CIZ1: variants seen among roughly 807,000 people sequenced by gnomAD.
CIZ1 encodes CDKN1A interacting zinc finger protein 1, also known as cip1-interacting zinc finger protein.
Under a neutral mutation model 118.6 loss-of-function variants are expected in CIZ1, and 58 were observed. The observed-to-expected ratio is 0.49, with a 90% confidence interval of 0.40 to 0.61. The LOEUF is 0.61. Ranked by LOEUF, CIZ1 falls within the 20% of genes least tolerant of loss-of-function variation. The pLI, the probability that CIZ1 is intolerant of heterozygous loss-of-function variation, is 0.00. For synonymous variants in CIZ1, 448 were observed against 443.4 expected (o/e 1.01, Z -0.13); for missense variants, 921 against 1,115.9 (o/e 0.83, Z 2.49).
chr9:128,180,818 C>T lies in CIZ1; in HGVS notation c.589-4G>A. On this transcript the variant is annotated splice_polypyrimidine_tract_variant and splice_region_variant and intron_variant, in intron 5 of 16. Coordinates refer to ENST00000372938, the MANE Select transcript of CIZ1 (RefSeq NM_001131016.2). ...GCATTGTCTGAGAAGAAGAATCCTG[C>T]TTCCTTTCAGAAACTATGTTGACAT... 1 of 1,605,614 alleles carries T rather than the reference C, an allele frequency of 6.2e-7. No individual in the cohort carries two copies. The highest frequency in any genetic ancestry group is 8.5e-7 in the Non-Finnish European group (1 of 1,175,824).
intron 1 of CIZ1, among the ~76,000 whole-genome samples, chr9:128,201,834 G>C (rs61212053): frequency 1.3e-5 from 2 of 152,102 alleles, no homozygotes; most frequent in Non-Finnish European, 2.9e-5. Context: ...GCTTGTTTAA[G>C]GCCCAGATTA....
intron 11 of CIZ1, 144 bp downstream of exon 11, chr9:128,176,207 A>G (rs991954534): frequency 2.9e-5 from 29 of 990,826 alleles, no homozygotes; most frequent in Non-Finnish European, 4.2e-5. Flanking sequence ...CTGAGGTTCA[A>G]GGTCACACAG....
chr9:128,193,027 C>T (rs7853429), upstream of CIZ1, among the ~76,000 whole-genome samples: 64,766 of 152,084 alleles, frequency 0.43, 14,697 homozygotes, highest in African/African-American at 0.6. Context: ...AGAATTCGCG[C>T]GTCCATAAAT....
upstream of CIZ1, among the ~76,000 whole-genome samples, chr9:128,193,500 C>T (rs1564307276): frequency 6.6e-6 from 1 of 151,948 alleles, no homozygotes; most frequent in Non-Finnish European, 1.5e-5. Flanking sequence ...CACTTAAGGT[C>T]AGGAGTTCGA....
chr9:128,189,636 A>G (rs528114404), intron 3 of CIZ1, among the ~76,000 whole-genome samples: 4 of 152,174 alleles, frequency 2.6e-5, no homozygotes, highest in Non-Finnish European at 5.9e-5. Flanking sequence ...CCTGGCCAAC[A>G]TGGGGAAACC....
intron 7 of CIZ1, 54 bp from the exon 8 acceptor site, chr9:128,179,469 C>T (rs1470464673): frequency 7.3e-6 from 11 of 1,505,346 alleles, no homozygotes; most frequent in Non-Finnish European, 9.7e-6. Flanking sequence ...GCCCCAGGGG[C>T]TCCCAAGTAA....
intron 5 of CIZ1, among the ~76,000 whole-genome samples, chr9:128,183,728 C>G (rs748122492): frequency 1.3e-5 from 2 of 151,474 alleles, no homozygotes; most frequent in African/African-American, 2.4e-5. Context: ...ATTGTTCTAC[C>G]CTAGTTATGT....
intron 4 of CIZ1, among the ~76,000 whole-genome samples, chr9:128,186,493 TC>T (rs1445278767): frequency 7.2e-5 from 11 of 152,232 alleles, no homozygotes; most frequent in African/African-American, 2.6e-4. Flanking sequence ...CCCTGCCTCC[TC>T]CCAAAACCAC....
intron 14 of CIZ1, among the ~76,000 whole-genome samples, chr9:128,168,232 C>A (rs1186187343): frequency 1.4e-4 from 21 of 152,208 alleles, no homozygotes; most frequent in Admixed American, 1.4e-3. Context: ...TGCAAAGAAT[C>A]TGGCTGGGCA....
chr9:128,203,578 G>T lies in CIZ1; in HGVS notation c.-6+608C>A, dbSNP rs972860852. 30 of 1,551,176 alleles carry T rather than the reference G, an allele frequency of 1.9e-5. No homozygotes were observed. The highest frequency in any genetic ancestry group is 2.3e-5 in the Non-Finnish European group (26 of 1,152,476). On this transcript the variant is annotated intron_variant, in intron 1 of 17. Coordinates refer to the CIZ1 transcript ENST00000372948. This position sits in a 1 kb window ranked among gnomAD's most constrained non-coding sequence, Gnocchi z 5.3. ...ACCTCGACCTGCCGCAGATCGCTGT[G>T]GTGGGCGGCCAGAGCGCCGGCAAGA...
upstream of CIZ1, chr9:128,191,744 G>A: frequency 2.2e-6 from 3 of 1,392,510 alleles, no homozygotes; most frequent in Non-Finnish European, 2.8e-6. The surrounding 1 kb of genome is among the most constrained non-coding windows in gnomAD (Gnocchi z 5.5). Flanking sequence ...TCTGTCCCGC[G>A]TCCTCCGCAT....
rs533363221 is a variant in CIZ1 at position 128,166,235 on chromosome 9, G to A, written c.2659C>T (p.Pro887Ser). 2.0e-6 allele frequency: 3 copies of A among 1,522,076 alleles called. No homozygotes were observed. Among genetic ancestry groups the A allele is most frequent in the East Asian group, 2.4e-5 (1 of 42,458 alleles). 94.3% of individuals were successfully genotyped at this position (1,522,076 alleles called of 1,614,324 possible). ...PSKVTARPSQ[P>S]PLPRRSTRLK... ...CGGGTTGAGCGCCGAGGTAGTGGGG[G>A]CTGGGAGGGTCGAGCCGTCACCTTG... The change falls in exon 17 of 17, where the codon CCC becomes TCC. Residue 887 changes from proline (P) to serine (S), a missense_variant. Pro to Ser is a moderately conservative substitution (Grantham distance 74). Coordinates refer to ENST00000372938, the MANE Select transcript of CIZ1 (RefSeq NM_001131016.2). This position sits in a 1 kb window ranked among gnomAD's most constrained non-coding sequence, Gnocchi z 4.4.
rs766841041 is a variant in CIZ1, at chr9:128,180,394, CAG to C, written c.791+19_791+20del. On this transcript the variant is annotated intron_variant, in intron 7 of 16. Coordinates refer to ENST00000372938, the MANE Select transcript of CIZ1 (RefSeq NM_001131016.2). ...GAGCACAGGGCACCCGGGCGCAGGTCAGGTTTTCAGCATCAGTTACCTCCTCA... is the reference window on the plus strand; with the variant it reads ...GAGCACAGGGCACCCGGGCGCAGGTCGTTTTCAGCATCAGTTACCTCCTCA... The C allele has an allele frequency of 2.3e-4, 372 of 1,593,018 alleles. 2 individuals are homozygous for C. The highest frequency in any genetic ancestry group is 1.3e-3 in the South Asian group (117 of 90,586).
chr9:128,180,496 T>C lies in CIZ1; in HGVS notation c.710A>G (p.Asp237Gly), dbSNP rs771384139. The C allele has an allele frequency of 1.2e-6, 2 of 1,614,076 alleles. No individual in the cohort carries two copies. Among genetic ancestry groups the C allele is most frequent in the South Asian group, 2.2e-5 (2 of 91,076 alleles). ...TGGAGTGCGTTTTTCCTTGGCGATG[T>C]CCTCTGGGCAGGGCGGTAAATCTTG... ...EDQDLPPCPEDIAKEKRTPAP... is the reference protein window; with the variant it reads ...EDQDLPPCPEGIAKEKRTPAP... Residue 237 changes from aspartate (D) to glycine (G), a missense_variant, in exon 7 of 17, where the codon GAC becomes GGC. Transcript: ENST00000372938.
chr9:128,191,649 C>A (rs1035824151), upstream of CIZ1: 3 of 1,234,626 alleles, frequency 2.4e-6, no homozygotes, highest in Admixed American at 4.3e-5. The surrounding 1 kb of genome is among the most constrained non-coding windows in gnomAD (Gnocchi z 5.5). Context: ...GCCGCGCCAC[C>A]CGAGCCCGCC....
At position 128,177,486 on chromosome 9, in the gene CIZ1, C is replaced by G. The variant is rs375228758; in HGVS notation, c.1818+80G>C. ...CTGCTTGGGGCAGGGCCCATTGCAG[C>G]CTGAGGCATTCTTGGGAGGGCAGGC... On this transcript the variant is annotated intron_variant, in intron 10 of 16. Coordinates refer to ENST00000372938, the MANE Select transcript of CIZ1 (RefSeq NM_001131016.2). 1,580 of 1,026,372 alleles carry G rather than the reference C, an allele frequency of 1.5e-3. 16 individuals carry two copies. Among genetic ancestry groups the G allele is most frequent in the East Asian group, 6.4e-3 (230 of 36,216 alleles). 63.6% of individuals were successfully genotyped at this position (1,026,372 alleles called of 1,614,324 possible). A position where few individuals can be genotyped will look rare whatever the true frequency, so the allele number is the denominator to read the frequency against.
intron 10 of CIZ1, 100 bp from the exon 11 acceptor site, chr9:128,176,575 G>T (rs901173603): frequency 2.5e-6 from 3 of 1,220,662 alleles, no homozygotes; most frequent in Non-Finnish European, 3.4e-6. Flanking sequence ...ATCACTGTGC[G>T]CCCATTTCTC....
chr9:128,177,241 T>C (rs894412711), intron 10 of CIZ1, among the ~76,000 whole-genome samples: 2 of 152,168 alleles, frequency 1.3e-5, no homozygotes, highest in Admixed American at 1.3e-4. Context: ...TGGAATTCGC[T>C]TTCCAAGGTC....
chr9:128,197,733 C>G (rs148438148), intron 1 of CIZ1: 4 of 152,220 alleles, frequency 2.6e-5, no homozygotes, highest in Non-Finnish European at 5.9e-5. Context: ...TTCGCAACAC[C>G]GGAGAAGTTT....
Sources: allele counts gnomAD v4.1 joint callset (sites outside exome capture counted in the v4.1 genomes callset), GRCh38; gene constraint gnomAD v4.1.1; non-coding constraint Gnocchi (gnomAD v3.1); transcripts MANE v1.5; gene names NCBI Gene and HGNC (gene_info 2026-07-23, HGNC 2026-07-21).